The following DPYSL2 variants were observed in gnomAD, a reference collection of about 807,000 sequenced individuals.
DPYSL2 encodes dihydropyrimidinase like 2.
A neutral mutation model predicts 69.9 loss-of-function variants in DPYSL2; 13 were observed. The observed-to-expected ratio is 0.19, with a 90% CI of 0.12 to 0.30. The LOEUF is 0.30. DPYSL2 is among the 10% of genes least tolerant of loss of function. The pLI is 1.00. For missense variants in DPYSL2, 587 were observed against 918.9 expected (o/e 0.64, Z 4.67); for synonymous variants, 326 against 359.1 (o/e 0.91, Z 1.04).
chr8:26,558,824 A>G (rs1044904780), intron 1 of DPYSL2, among the ~76,000 whole-genome samples: 5 of 152,208 alleles, frequency 3.3e-5, no homozygotes, highest in African/African-American at 1.2e-4. Context: ...ACTCTGTTGT[A>G]TCTTGCTCTT....
intron 1 of DPYSL2, among the ~76,000 whole-genome samples, chr8:26,519,573 C>T (rs1429023419): frequency 6.6e-6 from 1 of 152,100 alleles, no homozygotes; most frequent in Non-Finnish European, 1.5e-5. Flanking sequence ...CTGATACAGG[C>T]ATTATTTACT....
intron 1 of DPYSL2, among the ~76,000 whole-genome samples, chr8:26,576,558 C>T (rs1477279880): frequency 6.6e-6 from 1 of 152,148 alleles, no homozygotes; most frequent in Non-Finnish European, 1.5e-5. Flanking sequence ...TCCCACGGAC[C>T]CTGAAGTTAG....
chr8:26,583,048 T>G (rs2129736943), intron 2 of DPYSL2, among the ~76,000 whole-genome samples: 1 of 152,370 alleles, frequency 6.6e-6, no homozygotes, highest in South Asian at 2.1e-4. Flanking sequence ...TCTGGTAGAA[T>G]GACACTGGCC....
In DPYSL2 at chr8:26,631,576, C is replaced by T. The variant is rs571232238; in HGVS notation, c.1006-3204C>T. Among the ~76,000 whole-genome samples, 8 of 152,282 alleles carry T rather than the reference C, an allele frequency of 5.3e-5. No individual in the cohort carries two copies. The South Asian group carries it at 6.2e-4, about 12-fold the overall frequency. On this transcript the variant is annotated intron_variant, in intron 7 of 13. Coordinates refer to ENST00000521913, the MANE Select transcript of DPYSL2 (RefSeq NM_001197293.3). Reference sequence around the variant, plus strand: ...ACCAGAGAAATTGAAACCATTTTTACGTGATTAGGCCCAGCAGCTGTTGCC... The same window carrying T: ...ACCAGAGAAATTGAAACCATTTTTATGTGATTAGGCCCAGCAGCTGTTGCC...
intron 1 of DPYSL2, among the ~76,000 whole-genome samples, chr8:26,556,010 A>G (rs1447273943): frequency 2.7e-5 from 2 of 74,590 alleles, no homozygotes; most frequent in East Asian, 4.0e-4. Flanking sequence ...AGTATATATT[A>G]TATATATAAA....
At chr8:26,616,967 A>T (rs977178516) in intron 3 of DPYSL2, among the ~76,000 whole-genome samples, 3 of 152,204 alleles carry the variant, frequency 2.0e-5, no homozygotes, top group African/African-American at 7.2e-5. Context: ...CCACGTGCGT[A>T]ACCCCCAGCT....
rs1802644362 is a variant in DPYSL2, at chr8:26,627,446, TG to T, written c.936+153del. ...CTGGAGCTCTGCTCAGTCTCACCCATGGCATGAATGCCAGTGACACACGTGC... is the reference window on the plus strand; with the variant it reads ...CTGGAGCTCTGCTCAGTCTCACCCATGCATGAATGCCAGTGACACACGTGC... On this transcript the variant is annotated intron_variant, in intron 6 of 13. Transcript: ENST00000521913. The surrounding 1 kb of genome is among the most constrained non-coding windows in gnomAD (Gnocchi z 6.9). The T allele has an allele frequency of 1.3e-6, 1 of 765,450 alleles. No homozygotes were observed. Among genetic ancestry groups the T allele is most frequent in the African/African-American group, 1.7e-5 (1 of 57,540 alleles). 47.4% of individuals were successfully genotyped at this position (765,450 alleles called of 1,614,324 possible).
rs745598530 is a variant in DPYSL2, at chr8:26,627,664, T to C, written c.937-208T>C. Reference sequence around the variant, plus strand: ...TCCCAGGGAACAGCTGAATGGGTTTTGGGAGGCTGTAATTGATCCATCCTG... The same window carrying C: ...TCCCAGGGAACAGCTGAATGGGTTTCGGGAGGCTGTAATTGATCCATCCTG... On this transcript the variant is annotated intron_variant, in intron 6 of 13. Coordinates refer to ENST00000521913, the MANE Select transcript of DPYSL2 (RefSeq NM_001197293.3). The surrounding 1 kb of genome is among the most constrained non-coding windows in gnomAD (Gnocchi z 6.9). Among the ~76,000 whole-genome samples, 2 of 152,170 alleles carry C rather than the reference T, an allele frequency of 1.3e-5. No individual in the cohort carries two copies. The highest frequency in any genetic ancestry group is 2.9e-5 in the Non-Finnish European group (2 of 68,032).
At position 26,597,261 on chromosome 8, in the gene DPYSL2, C is replaced by T. The variant is rs1372557994; in HGVS notation, c.628+13278C>T. Among the ~76,000 whole-genome samples, 3 of 152,196 alleles carry T rather than the reference C, an allele frequency of 2.0e-5. No homozygotes were observed. Among genetic ancestry groups the T allele is most frequent in the Non-Finnish European group, 2.9e-5 (2 of 68,026 alleles). On this transcript the variant is annotated intron_variant, in intron 3 of 13. Transcript: ENST00000521913. This position sits in a 1 kb window ranked among gnomAD's most constrained non-coding sequence, Gnocchi z 5.2. ...CATGCATTCATCAACTGAACTTAAT[C>T]CTTCTTCTGGGAGGCCCGGGAGCCT...
In DPYSL2 at chr8:26,652,270, A is replaced by G; in HGVS notation, c.1610A>G (p.Asn537Ser). 10 of 1,613,660 alleles carry G rather than the reference A, an allele frequency of 6.2e-6. No individual in the cohort carries two copies. Among genetic ancestry groups the G allele is most frequent in the Non-Finnish European group, 8.5e-6 (10 of 1,179,818 alleles). ...AKTHNSSLEY[N>S]IFEGMECRGS... ...CCTTCTTCTCAGTCTCTCGAGTACA[A>G]CATCTTTGAAGGCATGGAGTGCCGC... Residue 537 changes from asparagine (N) to serine (S), a missense_variant, in exon 12 of 14, where the codon AAC becomes AGC. Coordinates refer to ENST00000521913, the MANE Select transcript of DPYSL2 (RefSeq NM_001197293.3). The surrounding 1 kb of genome is among the most constrained non-coding windows in gnomAD (Gnocchi z 6.3).
chr8:26,640,174 G>A lies in DPYSL2; in HGVS notation c.1127-3265G>A, dbSNP rs1306490504. On this transcript the variant is annotated intron_variant, in intron 8 of 13. Coordinates refer to ENST00000521913, the MANE Select transcript of DPYSL2 (RefSeq NM_001197293.3). This position sits in a 1 kb window ranked among gnomAD's most constrained non-coding sequence, Gnocchi z 4.2. ...TCCATGGGAAATGACTGCCAGAGCT[G>A]GGAGCTATCAAGCATATTTAAACCG... 6.6e-6 allele frequency among the ~76,000 whole-genome samples: 1 copy of A among 152,192 alleles called. No individual in the cohort carries two copies. Among genetic ancestry groups the A allele is most frequent in the Non-Finnish European group, 1.5e-5 (1 of 68,038 alleles).
intron 1 of DPYSL2, among the ~76,000 whole-genome samples, chr8:26,581,410 G>A (rs1801490679): frequency 6.7e-6 from 1 of 149,706 alleles, no homozygotes; most frequent in Admixed American, 6.6e-5. Context: ...GTCTTGCTGT[G>A]TAACCCAGGC....
chr8:26,556,144 G>GTATATATACTATA (rs1221324917), intron 1 of DPYSL2, among the ~76,000 whole-genome samples: 99 of 2,570 alleles, frequency 0.039, 31 homozygotes, highest in Non-Finnish European at 0.046. Context: ...ACTATATATA[G>GTATATATACTATA]TATATACTAT....
At chr8:26,612,519 C>G (rs1264946982) in intron 3 of DPYSL2, among the ~76,000 whole-genome samples, 3 of 152,160 alleles carry the variant, frequency 2.0e-5, no homozygotes, top group Non-Finnish European at 2.9e-5. Context: ...TAGTAAGACT[C>G]TAAGATAATG....
At chr8:26,551,672 C>A (rs565582972) in intron 1 of DPYSL2, among the ~76,000 whole-genome samples, 1 of 152,252 alleles carries the variant, frequency 6.6e-6, no homozygotes, top group South Asian at 2.1e-4. Flanking sequence ...ATTCACCATT[C>A]CAGGCCATAA....
At position 26,647,571 on chromosome 8, in the gene DPYSL2, A is replaced by T. The variant is rs1803194229; in HGVS notation, c.1426-59A>T. 2.2e-5 allele frequency: 33 copies of T among 1,522,178 alleles called. No homozygotes were observed. The highest frequency in any genetic ancestry group is 2.8e-5 in the Non-Finnish European group (32 of 1,130,582). The allele number at this position is 1,522,178 out of a possible 1,614,324, so 94.3% of individuals were successfully genotyped here. A position where few individuals can be genotyped will look rare whatever the true frequency, so the allele number is the denominator to read the frequency against. On this transcript the variant is annotated intron_variant, in intron 10 of 13. Transcript: ENST00000521913. The surrounding 1 kb of genome is among the most constrained non-coding windows in gnomAD (Gnocchi z 5.1). ...TATCAATAGTTTGTTATTGAAAAGT[A>T]ACTTTTTAACTCGTTTCTGCTGTGT...
At chr8:26,578,955 G>GC (rs11285674) in intron 1 of DPYSL2, among the ~76,000 whole-genome samples, 3,530 of 151,206 alleles carry the variant, frequency 0.023, 130 homozygotes, top group African/African-American at 0.081. Flanking sequence ...GGTTTTGGGT[G>GC]CCCCCCCCCC....
chr8:26,623,053 A>G (rs774924376), intron 3 of DPYSL2, among the ~76,000 whole-genome samples: 1 of 152,178 alleles, frequency 6.6e-6, no homozygotes, highest in Non-Finnish European at 1.5e-5. Flanking sequence ...TGTGCAGAAG[A>G]TGGGTAGTAA....
At position 26,514,097 on chromosome 8, in the gene DPYSL2, G is replaced by A; in HGVS notation, c.-229G>A. ...AACTTTGCCGCTTCCCCGAGCTCGC[G>A]CTGTAGCCGCGGGGGGCGTGGGCAG... On this transcript the variant is annotated 5_prime_UTR_variant, in exon 1 of 14. Transcript: ENST00000521913. The surrounding 1 kb of genome is among the most constrained non-coding windows in gnomAD (Gnocchi z 8.4). 2 of 382,684 alleles carry A rather than the reference G, an allele frequency of 5.2e-6. No individual in the cohort carries two copies. The highest frequency in any genetic ancestry group is 9.2e-6 in the Non-Finnish European group (2 of 217,654). 23.7% of individuals were successfully genotyped at this position (382,684 alleles called of 1,614,324 possible).
Sources: gnomAD v4.1 joint callset for allele counts (sites outside exome capture counted in the v4.1 genomes callset) on GRCh38, gnomAD v4.1.1 for gene constraint, Gnocchi (gnomAD v3.1) non-coding constraint, MANE v1.5 for transcripts, NCBI Gene and HGNC (gene_info 2026-07-23, HGNC 2026-07-21) for gene names.